The following ZNF311 variants were observed in gnomAD, a reference collection of about 807,000 sequenced individuals.
ZNF311 encodes zinc finger protein zfp31.
Under a neutral mutation model 22.7 loss-of-function variants are expected in ZNF311, and 14 were observed. The observed-to-expected ratio is 0.62, with a 90% CI of 0.41 to 0.96. ZNF311 has a LOEUF of 0.96. Among genes scored for constraint, ZNF311 ranks in the 40% least tolerant of loss-of-function variants. ZNF311 has a pLI of 0.00. For synonymous variants in ZNF311, 250 were observed against 275.3 expected (o/e 0.91, Z 0.91); for missense variants, 731 against 799.0 (o/e 0.91, Z 1.03).
rs1043862805 is a variant in ZNF311 at position 28,996,482 on chromosome 6, C to T, written c.520G>A (p.Val174Ile). 1 of 1,608,126 alleles carries T rather than the reference C, an allele frequency of 6.2e-7. No homozygotes were observed. The highest frequency in any genetic ancestry group is 8.5e-7 in the Non-Finnish European group (1 of 1,180,004). ...CTAACCTTAGGATCCCGGGAATCAA[C>T]TTTTAGGAGACTGTTAAATTTCATC... is the stretch of plus-strand genomic sequence containing the variant. ...YWMKFNSLLK[V>I]DSRDPKVREV... The change falls in exon 7 of 7, where the codon GTT becomes ATT. Residue 174 changes from valine to isoleucine, a missense_variant. Physicochemically the swap from Val to Ile is conservative, Grantham distance 29 (BLOSUM62 3). Coordinates refer to ENST00000377179, the MANE Select transcript of ZNF311 (RefSeq NM_001382360.1).
chr6:29,005,377 A>G (rs937837524), upstream of ZNF311: 3 of 151,104 alleles, frequency 2.0e-5, no homozygotes, highest in Non-Finnish European at 4.4e-5. Flanking sequence ...AATGGGCGGG[A>G]AATGCTCATT....
intron 4 of ZNF311, 142 bp downstream of exon 4, chr6:28,999,814 G>T (rs1430906177): frequency 2.4e-6 from 3 of 1,238,792 alleles, no homozygotes; most frequent in African/African-American, 3.0e-5. Context: ...CCCACAAGTG[G>T]TTTATCATGC....
chr6:29,005,493 A>AG (rs1015301048), upstream of ZNF311, among the ~76,000 whole-genome samples: 31 of 151,858 alleles, frequency 2.0e-4, no homozygotes, highest in Non-Finnish European at 4.3e-4. Flanking sequence ...TATTTAGGTG[A>AG]GGGGGGCGAC....
rs777896975 is a variant in ZNF311, at chr6:28,996,121, C to T, written c.881G>A (p.Arg294Gln). The change falls in exon 7 of 7, where the codon CGG (arginine) becomes CAG (glutamine). Residue 294 changes from arginine to glutamine, a missense_variant. Arg to Gln is a conservative substitution (Grantham distance 43, BLOSUM62 1). Coordinates refer to ENST00000377179, the MANE Select transcript of ZNF311 (RefSeq NM_001382360.1). Reference protein sequence around the residue: ...FKTRNQLSMHRIIHTGEKPFN... With the variant: ...FKTRNQLSMHQIIHTGEKPFN... Reference sequence around the variant, plus strand: ...AGGTTTCTCCCCTGTGTGGATTATCCGGTGCATAGAAAGCTGATTTCTGGT... The same window carrying T: ...AGGTTTCTCCCCTGTGTGGATTATCTGGTGCATAGAAAGCTGATTTCTGGT... 6.8e-6 allele frequency: 11 copies of T among 1,613,140 alleles called. No individual in the cohort carries two copies. The highest frequency in any genetic ancestry group is 4.4e-5 in the South Asian group (4 of 91,066).
chr6:29,004,248 AC>A, intron 1 of ZNF311, 34 bp from the exon 2 acceptor site: 1 of 1,355,202 alleles, frequency 7.4e-7, no homozygotes, highest in Non-Finnish European at 9.5e-7. Flanking sequence ...GAGGAATGTG[AC>A]CACAGGAAAA....
Position 28,996,024 on chromosome 6 carries a change from A to G in ZNF311, c.978T>C (p.Ser326=). 1 of 1,613,338 alleles carries G rather than the reference A, an allele frequency of 6.2e-7. No homozygotes were observed. Among genetic ancestry groups the G allele is most frequent in the Non-Finnish European group, 8.5e-7 (1 of 1,179,988 alleles). Residue 326 remains serine (S), a synonymous_variant, in exon 7 of 7, where the codon AGT becomes AGC. Transcript: ENST00000377179. ...CCCTGCACTCGTGAGGCTTCTCCCC[A>G]CTGTGGGTTTTTTTATGTCGGCAAA... ...SALCRHKKTH[S]GEKPHECRDC...
chr6:28,996,335 C>T lies in ZNF311; in HGVS notation c.667G>A (p.Val223Met). The change falls in exon 7 of 7, where the codon GTG becomes ATG. Residue 223 changes from valine to methionine, a missense_variant. By Grantham distance (21) the Val-to-Met change is conservative. Coordinates refer to ENST00000377179, the MANE Select transcript of ZNF311 (RefSeq NM_001382360.1). The stretch of plus-strand genomic sequence containing the variant: ...TTTGGATTCAAGTTTTTACTAAGCA[C>T]TTTCTGGTTCTTTCCTTTTTTGCAG... ...VTCKKGKNQK[V>M]LSKNLNPNSK... 5 of 1,612,692 alleles carry T rather than the reference C, an allele frequency of 3.1e-6. No individual in the cohort carries two copies. Among genetic ancestry groups the T allele is most frequent in the Non-Finnish European group, 4.2e-6 (5 of 1,180,022 alleles).
At chr6:29,003,471 T>C (rs1780732696) in intron 3 of ZNF311, 42 bp downstream of exon 3, 10 of 1,596,968 alleles carry the variant, frequency 6.3e-6, no homozygotes, top group Non-Finnish European at 8.6e-6. Context: ...TACTACATTC[T>C]CAGCTGCCGT....
chr6:29,003,684 A>T, intron 2 of ZNF311, 90 bp from the exon 3 acceptor site: 1 of 1,486,232 alleles, frequency 6.7e-7, no homozygotes, highest in Non-Finnish European at 9.4e-7. Flanking sequence ...GTCTATCCAC[A>T]GAAACTGTCT....
intron 2 of ZNF311, 128 bp downstream of exon 2, chr6:29,003,818 T>G: frequency 6.3e-7 from 1 of 1,596,432 alleles, no homozygotes; most frequent in Non-Finnish European, 8.5e-7. Flanking sequence ...AAAAACAGTA[T>G]CTAGGAGGAG....
In ZNF311 at chr6:28,996,283, ACTTT is replaced by A; in HGVS notation, c.715_718del (p.Lys239PhefsTer3). ...TTCATGGAGTTTCTGTGCTATAAGA[ACTTT>A]ATTACATTGACTATGTTTTGAGTTT... is the stretch of plus-strand genomic sequence containing the variant. On this transcript the variant is annotated frameshift_variant, in exon 7 of 7. Coordinates refer to ENST00000377179, the MANE Select transcript of ZNF311 (RefSeq NM_001382360.1). LOFTEE classifies it low-confidence loss of function (END_TRUNC). 1.2e-6 allele frequency: 2 copies of A among 1,612,968 alleles called. No homozygotes were observed. Among genetic ancestry groups the A allele is most frequent in the Non-Finnish European group, 1.7e-6 (2 of 1,180,024 alleles).
At chr6:29,002,392 CTCA>C (rs1562345703) in intron 3 of ZNF311, among the ~76,000 whole-genome samples, 2 of 152,048 alleles carry the variant, frequency 1.3e-5, no homozygotes, top group Admixed American at 6.5e-5. Flanking sequence ...ATTATTAATT[CTCA>C]TTTGTGATCC....
At chr6:28,998,397 G>A in intron 6 of ZNF311, among the ~76,000 whole-genome samples, 1 of 152,004 alleles carries the variant, frequency 6.6e-6, no homozygotes. Context: ...TCACCATACT[G>A]GCCAGGCTGG....
intron 3 of ZNF311, among the ~76,000 whole-genome samples, chr6:29,002,354 C>T (rs189092171): frequency 5.9e-5 from 9 of 152,196 alleles, no homozygotes; most frequent in Admixed American, 5.9e-4. Flanking sequence ...TTTTTTATTT[C>T]TAAATCTATA....
intron 2 of ZNF311, 134 bp downstream of exon 2, chr6:29,003,812 A>C (rs1477065615): frequency 6.3e-7 from 1 of 1,585,768 alleles, no homozygotes; most frequent in Non-Finnish European, 8.6e-7. Context: ...AGCAGCAAAA[A>C]CAGTATCTAG....
rs866301509 is a variant in ZNF311, at chr6:29,003,361, C to A, written c.91+152G>T. On this transcript the variant is annotated intron_variant, in intron 3 of 6. Coordinates refer to ENST00000377179, the MANE Select transcript of ZNF311 (RefSeq NM_001382360.1). ...ATATTTAGTTCCTCTAGATATTGAT[C>A]CAAGCCTCGTATAGAAACAAAATAA... 1.1e-5 allele frequency: 7 copies of A among 663,388 alleles called. No individual in the cohort carries two copies. The Middle Eastern group carries it at 1.7e-3, about 158-fold the overall frequency. 41.1% of individuals were successfully genotyped at this position (663,388 alleles called of 1,614,324 possible).
At position 29,005,087 on chromosome 6, in the gene ZNF311, A is replaced by G. The variant is rs1237594397; in HGVS notation, c.-340T>C. On this transcript the variant is annotated 5_prime_UTR_variant, in exon 1 of 7. Coordinates refer to ENST00000377179, the MANE Select transcript of ZNF311 (RefSeq NM_001382360.1). Reference sequence around the variant, plus strand: ...TGGTGCATAAGTTACTTATTAATATATACATTGTTTACGGTGGTTCTACCT... The same window carrying G: ...TGGTGCATAAGTTACTTATTAATATGTACATTGTTTACGGTGGTTCTACCT... 2 of 152,106 alleles carry G rather than the reference A, an allele frequency of 1.3e-5. No individual in the cohort carries two copies. The highest frequency in any genetic ancestry group is 4.8e-5 in the African/African-American group (2 of 41,414). 9.4% of individuals were successfully genotyped at this position (152,106 alleles called of 1,614,324 possible).
rs1415911741 is a variant in ZNF311, at chr6:29,005,164, T to C, written c.-417A>G. 3 of 152,280 alleles carry C rather than the reference T, an allele frequency of 2.0e-5. No individual in the cohort carries two copies. Among genetic ancestry groups the C allele is most frequent in the East Asian group, 1.9e-4 (1 of 5,182 alleles). The allele number at this position is 152,280 out of a possible 1,614,324, so 9.4% of individuals were successfully genotyped here. On this transcript the variant is annotated 5_prime_UTR_variant, in exon 1 of 7. Coordinates refer to ENST00000377179, the MANE Select transcript of ZNF311 (RefSeq NM_001382360.1). ...CATGAGGGCAGGAATTTTTGTCGTCTTGTTCACAGTTGTATTCTCAACGCC... is the reference window on the plus strand; with the variant it reads ...CATGAGGGCAGGAATTTTTGTCGTCCTGTTCACAGTTGTATTCTCAACGCC...
chr6:28,995,839 T>C lies in ZNF311; in HGVS notation c.1163A>G (p.Glu388Gly), dbSNP rs758472764. 2.4e-5 allele frequency: 39 copies of C among 1,613,830 alleles called. No homozygotes were observed. The highest frequency in any genetic ancestry group is 3.2e-5 in the Non-Finnish European group (38 of 1,180,002). ...GRIHTGEKPY[E>G]CEECGKAFSG... Reference sequence around the variant, plus strand: ...GAAGGCCTTCCCGCACTCCTCACATTCATATGGCTTCTCCCCAGTGTGGAT... The same window carrying C: ...GAAGGCCTTCCCGCACTCCTCACATCCATATGGCTTCTCCCCAGTGTGGAT... The change falls in exon 7 of 7, where the codon GAA becomes GGA. Residue 388 changes from glutamate to glycine, a missense_variant. Coordinates refer to ENST00000377179, the MANE Select transcript of ZNF311 (RefSeq NM_001382360.1). The surrounding 1 kb of genome is among the most constrained non-coding windows in gnomAD (Gnocchi z 4.7).
Sources: allele counts gnomAD v4.1 joint callset (sites outside exome capture counted in the v4.1 genomes callset), GRCh38; gene constraint gnomAD v4.1.1; non-coding constraint Gnocchi (gnomAD v3.1); transcripts MANE v1.5; gene names NCBI Gene and HGNC (gene_info 2026-07-23, HGNC 2026-07-21).